RUFY1: variants seen among roughly 807,000 people sequenced by gnomAD.
The protein encoded by RUFY1 is RUN and FYVE domain containing 1.
In RUFY1, 54 loss-of-function variants were observed where a neutral mutation model predicts 94.6. That is an observed-to-expected ratio of 0.57 (90% CI 0.46 to 0.72). The LOEUF is 0.72. Ranked by LOEUF, RUFY1 falls within the 30% of genes least tolerant of loss-of-function variation. The pLI is 0.00. For synonymous variants in RUFY1, 396 were observed against 347.3 expected (o/e 1.14, Z -1.56); for missense variants, 883 against 883.9 (o/e 1.00, Z 0.01).
In RUFY1 at chr5:179,587,475, T is replaced by TC. The variant is rs1426523097; in HGVS notation, c.1026+1612dup. 1.9e-4 allele frequency among the ~76,000 whole-genome samples: 28 copies of TC among 143,660 alleles called. 1 individual carries two copies. The highest frequency in any genetic ancestry group is 1.8e-3 in the Admixed American group (25 of 14,004). The allele number at this position is 143,660 out of a possible 152,430, so 94.2% of individuals were successfully genotyped here. On this transcript the variant is annotated intron_variant, in intron 8 of 17. Transcript: ENST00000319449. ...CTCCGCTCACTGCAAGCTCCCAAGCTCCACCTCCCGGGTTCACGCCATTCT... is the reference window on the plus strand; with the variant it reads ...CTCCGCTCACTGCAAGCTCCCAAGCTCCCACCTCCCGGGTTCACGCCATTCT...
At position 179,585,101 on chromosome 5, in the gene RUFY1, A is replaced by G. The variant is rs564873419; in HGVS notation, c.957-695A>G. Among the ~76,000 whole-genome samples the G allele has an allele frequency of 4.7e-4, 72 of 152,338 alleles. 1 individual carries two copies. The South Asian group carries it at 9.3e-3, about 20-fold the overall frequency. On this transcript the variant is annotated intron_variant, in intron 7 of 17. Coordinates refer to ENST00000319449, the MANE Select transcript of RUFY1 (RefSeq NM_025158.5). ...AGTTGAGCTCGCGCCACTGCACTCC[A>G]GACTAGGCGAAAGAGTAAGACTCTG...
intron 1 of RUFY1, among the ~76,000 whole-genome samples, chr5:179,554,849 T>C (rs1007700821): frequency 2.0e-5 from 3 of 151,854 alleles, no homozygotes; most frequent in Admixed American, 2.0e-4. Context: ...ACGCCTGTAA[T>C]CCCAGCTGCT....
chr5:179,608,526 A>T (rs1174930919), intron 17 of RUFY1: 1 of 985,390 alleles, frequency 1.0e-6, no homozygotes, highest in African/African-American at 1.7e-5. Flanking sequence ...GATCTACTCC[A>T]CCCCCTTGGA....
intron 15 of RUFY1, 41 bp from the exon 16 acceptor site, chr5:179,605,835 T>G: frequency 4.4e-6 from 6 of 1,365,862 alleles, no homozygotes; most frequent in Non-Finnish European, 6.2e-6. Flanking sequence ...AGAGCCTCAC[T>G]CTCTCTCACT....
chr5:179,568,477 A>G (rs1362038897), intron 4 of RUFY1, among the ~76,000 whole-genome samples: 2 of 152,230 alleles, frequency 1.3e-5, no homozygotes, highest in Non-Finnish European at 2.9e-5. Context: ...GTCATGGCTC[A>G]TTGTCGAACA....
intron 8 of RUFY1, 147 bp from the exon 9 acceptor site, chr5:179,589,399 T>A (rs915526686): frequency 9.9e-6 from 6 of 608,250 alleles, no homozygotes; most frequent in Non-Finnish European, 1.5e-5. Context: ...TTTGGAACCA[T>A]GTATTATTAC....
intron 1 of RUFY1, among the ~76,000 whole-genome samples, chr5:179,551,966 C>T (rs1761878802): frequency 6.6e-6 from 1 of 151,334 alleles, no homozygotes; most frequent in Non-Finnish European, 1.5e-5. Flanking sequence ...GAGATCGAGA[C>T]CATCCTGGCC....
At chr5:179,608,183 A>G in intron 17 of RUFY1, 1 of 450,778 alleles carries the variant, frequency 2.2e-6, no homozygotes, top group Non-Finnish European at 2.9e-6. Context: ...CCAGCTGGGT[A>G]GGGGAAGAGT....
intron 3 of RUFY1, 123 bp downstream of exon 3, chr5:179,562,787 C>T (rs1223336483): frequency 3.0e-6 from 2 of 663,190 alleles, no homozygotes; most frequent in East Asian, 2.6e-5. Context: ...TCATTATCCA[C>T]ATGATCTCTA....
In RUFY1 at chr5:179,569,029, A is replaced by G. The variant is rs568312669; in HGVS notation, c.705-273A>G. The G allele has an allele frequency of 5.1e-6, 5 of 985,314 alleles. No homozygotes were observed. In the South Asian group the frequency reaches 1.4e-4, roughly 28 times the overall value. The allele number at this position is 985,314 out of a possible 1,614,324, so 61.0% of individuals were successfully genotyped here. On this transcript the variant is annotated intron_variant, in intron 4 of 17. Transcript: ENST00000319449. ...GGAGGGGAGAGTGACAGGAGTCAAGAGGAGACGAGGAGAACTGGGGTCCAG... is the reference window on the plus strand; with the variant it reads ...GGAGGGGAGAGTGACAGGAGTCAAGGGGAGACGAGGAGAACTGGGGTCCAG...
At chr5:179,605,592 G>A (rs563659387) in intron 15 of RUFY1, among the ~76,000 whole-genome samples, 5 of 148,064 alleles carry the variant, frequency 3.4e-5, no homozygotes, top group Non-Finnish European at 5.9e-5. Flanking sequence ...CCATCCTCTC[G>A]CCTCAGCCTC....
At chr5:179,562,014 A>G (rs1762498141) in intron 2 of RUFY1, among the ~76,000 whole-genome samples, 2 of 151,800 alleles carry the variant, frequency 1.3e-5, no homozygotes, top group African/African-American at 4.8e-5. Flanking sequence ...TGGGCAATAC[A>G]TACTTCCAGA....
At chr5:179,582,383 A>G (rs1764232081) in intron 7 of RUFY1, among the ~76,000 whole-genome samples, 2 of 151,822 alleles carry the variant, frequency 1.3e-5, no homozygotes, top group Admixed American at 6.6e-5. Context: ...GCACCACTAC[A>G]CCTGGCTAAT....
Position 179,591,721 on chromosome 5 carries a change from G to C in RUFY1, c.1225G>C (p.Glu409Gln). The change falls in exon 10 of 18, where the codon GAG becomes CAG. Residue 409 changes from glutamate (E) to glutamine (Q), a missense_variant. Coordinates refer to ENST00000319449, the MANE Select transcript of RUFY1 (RefSeq NM_025158.5). ...CAGTGATGTGTGGAAGCAGCTAAAA[G>C]AGGAGAAGAAAGTCCGGTTGGTGAG... The part of the protein sequence containing the change: ...MYSDVWKQLK[E>Q]EKKVRLELEK... The C allele has an allele frequency of 3.1e-6, 5 of 1,608,828 alleles. No homozygotes were observed. The highest frequency in any genetic ancestry group is 4.2e-6 in the Non-Finnish European group (5 of 1,178,050).
In RUFY1 at chr5:179,589,644, A is replaced by G. The variant is rs1764877716; in HGVS notation, c.1125A>G (p.Val375=). 1.2e-6 allele frequency: 2 copies of G among 1,607,526 alleles called. No individual in the cohort carries two copies. The highest frequency in any genetic ancestry group is 1.7e-6 in the Non-Finnish European group (2 of 1,174,112). The stretch of plus-strand genomic sequence containing the variant: ...TTCGAGAAAGAAGTGAAAAGAGTGT[A>G]GAGGTGAGAAATTGACCTACATTTG... ...ELIRERSEKS[V]EITKQDTKVE... The change falls in exon 9 of 18, where the codon GTA becomes GTG. Residue 375 remains valine, a synonymous_variant. Transcript: ENST00000319449.
At chr5:179,607,976 CTG>C (rs1334250769) in intron 17 of RUFY1, among the ~76,000 whole-genome samples, 2 of 152,192 alleles carry the variant, frequency 1.3e-5, no homozygotes, top group African/African-American at 4.8e-5. Flanking sequence ...TGAAAATTCT[CTG>C]TATGCGGCAG....
At chr5:179,598,046 T>C (rs1256027984) in intron 13 of RUFY1, among the ~76,000 whole-genome samples, 5 of 151,866 alleles carry the variant, frequency 3.3e-5, no homozygotes, top group Admixed American at 3.3e-4. Context: ...AAAAATTAGC[T>C]GGGCGTGGTG....
rs117602715 is a variant in RUFY1, at chr5:179,573,951, A to C, written c.829-3124A>C. 1.3e-3 allele frequency among the ~76,000 whole-genome samples: 204 copies of C among 152,328 alleles called. 4 individuals are homozygous for C. The East Asian group carries it at 0.036, about 27-fold the overall frequency. ...ATTCATAGGTTTCTTATTGAATACTATCCCTGAATTTCTAAAATAATCCCT... is the reference window on the plus strand; with the variant it reads ...ATTCATAGGTTTCTTATTGAATACTCTCCCTGAATTTCTAAAATAATCCCT... On this transcript the variant is annotated intron_variant, in intron 5 of 17. Transcript: ENST00000319449.
intron 16 of RUFY1, 35 bp from the exon 17 acceptor site, chr5:179,607,547 A>G: frequency 6.9e-6 from 11 of 1,599,150 alleles, no homozygotes; most frequent in African/African-American, 1.3e-5. Context: ...GGGCTTAGAC[A>G]GAAAGTGGAT....
Sources: gnomAD v4.1 joint callset for allele counts (sites outside exome capture counted in the v4.1 genomes callset) on GRCh38, gnomAD v4.1.1 for gene constraint, MANE v1.5 for transcripts, NCBI Gene and HGNC (gene_info 2026-07-23, HGNC 2026-07-21) for gene names.